Variants in PTPRD observed in about 807,000 individuals in gnomAD.
The protein encoded by PTPRD is receptor-type tyrosine-protein phosphatase delta.
In PTPRD, 34 loss-of-function variants were observed where a neutral mutation model predicts 214.5. That is an observed-to-expected ratio of 0.16 (90% CI 0.12 to 0.21). The LOEUF (loss-of-function observed/expected upper bound fraction) is 0.21, where lower values mean the gene tolerates loss of function less well. PTPRD is among the 10% of genes least tolerant of loss of function. The pLI is 1.00. For synonymous variants in PTPRD, 1,128 were observed against 845.7 expected, an observed-to-expected ratio of 1.33 and a Z score of -5.79; for missense variants, 2,545 against 2,398.7, an observed-to-expected ratio of 1.06 and a Z score of -1.27.
At chr9:10,159,318 G>A (rs1469626210) in intron 3 of PTPRD, among the ~76,000 whole-genome samples, 1 of 151,524 alleles carries the variant, frequency 6.6e-6, no homozygotes, top group African/African-American at 2.4e-5. Flanking sequence ...ATATAGTCAG[G>A]AAAATATTGC....
intron 3 of PTPRD, among the ~76,000 whole-genome samples, chr9:10,085,638 G>A (rs1231134962): frequency 1.3e-5 from 2 of 151,596 alleles, no homozygotes; most frequent in Admixed American, 6.6e-5. Flanking sequence ...AAGAATACTG[G>A]CGCCTGCCTG....
At chr9:9,293,972 A>T (rs905115520) in intron 9 of PTPRD, among the ~76,000 whole-genome samples, 1 of 151,492 alleles carries the variant, frequency 6.6e-6, no homozygotes, top group East Asian at 2.0e-4. Context: ...CAGCATCAGT[A>T]CTCTTGCACT....
chr9:10,416,231 G>T (rs1304528722), intron 2 of PTPRD, among the ~76,000 whole-genome samples: 1 of 151,644 alleles, frequency 6.6e-6, no homozygotes, highest in Non-Finnish European at 1.5e-5. Flanking sequence ...GGTGGCATGT[G>T]CCTGTAGTCC....
intron 8 of PTPRD, among the ~76,000 whole-genome samples, chr9:9,526,748 A>C (rs925835301): frequency 5.3e-5 from 8 of 152,160 alleles, no homozygotes; most frequent in African/African-American, 1.9e-4. Flanking sequence ...ATCTTTGTGG[A>C]ATTTCCAAAT....
In PTPRD at chr9:8,891,351, C is replaced by T. The variant is rs569825485; in HGVS notation, c.-104+127346G>A. On this transcript the variant is annotated intron_variant, in intron 11 of 45. Coordinates refer to ENST00000381196, the MANE Select transcript of PTPRD (RefSeq NM_002839.4). ...GTTTCACCGTGTTAGCCAGGATGGTCTCAATCTCCTGACCTCGTGATCCGC... is the reference window on the plus strand; with the variant it reads ...GTTTCACCGTGTTAGCCAGGATGGTTTCAATCTCCTGACCTCGTGATCCGC... Among the ~76,000 whole-genome samples the T allele has an allele frequency of 2.9e-4, 44 of 151,918 alleles. No homozygotes were observed. The South Asian group carries it at 8.5e-3, about 29-fold the overall frequency.
intron 2 of PTPRD, among the ~76,000 whole-genome samples, chr9:10,435,141 A>G (rs779348602): frequency 2.6e-5 from 4 of 151,900 alleles, no homozygotes; most frequent in Non-Finnish European, 4.4e-5. Flanking sequence ...GAGGAAGCCA[A>G]TGCAAGTTGG....
chr9:8,767,649 C>G (rs992393090), intron 11 of PTPRD, among the ~76,000 whole-genome samples: 2 of 152,140 alleles, frequency 1.3e-5, no homozygotes, highest in South Asian at 2.1e-4. Flanking sequence ...TGTTAGGAAT[C>G]TCAAACTTGA....
chr9:9,907,818 T>C (rs952017862), intron 5 of PTPRD, among the ~76,000 whole-genome samples: 1 of 152,036 alleles, frequency 6.6e-6, no homozygotes, highest in Non-Finnish European at 1.5e-5. Flanking sequence ...ATTCTTGTAA[T>C]GAAAATAGTG....
chr9:9,915,857 C>A (rs1477669807), intron 5 of PTPRD, among the ~76,000 whole-genome samples: 1 of 151,772 alleles, frequency 6.6e-6, no homozygotes, highest in Non-Finnish European at 1.5e-5. Context: ...ACATCCAGAT[C>A]CAGGAAGGTC....
At chr9:9,075,880 T>C (rs927798505) in intron 10 of PTPRD, among the ~76,000 whole-genome samples, 8 of 152,208 alleles carry the variant, frequency 5.3e-5, no homozygotes, top group Admixed American at 5.2e-4. Flanking sequence ...TACGTGTGCA[T>C]GTGTCTTTAT....
intron 34 of PTPRD, among the ~76,000 whole-genome samples, chr9:8,442,320 T>A (rs962445193): frequency 4.6e-5 from 7 of 151,880 alleles, no homozygotes; most frequent in Non-Finnish European, 8.8e-5. Flanking sequence ...TAGAAAAATA[T>A]TTATCAAACA....
intron 9 of PTPRD, among the ~76,000 whole-genome samples, chr9:9,242,664 G>T (rs1346052830): frequency 1.3e-5 from 2 of 152,140 alleles, no homozygotes; most frequent in Non-Finnish European, 2.9e-5. Flanking sequence ...TCGTCACGTA[G>T]TTCTTGTGCC....
At chr9:9,111,080 A>C (rs1367703391) in intron 10 of PTPRD, among the ~76,000 whole-genome samples, 2 of 152,060 alleles carry the variant, frequency 1.3e-5, no homozygotes, top group African/African-American at 4.8e-5. Flanking sequence ...GAAGATCAGA[A>C]GTTAAAGTGA....
rs191863199 is a variant in PTPRD, at chr9:10,525,183, A to G, written c.-600+87215T>C. On this transcript the variant is annotated intron_variant, in intron 2 of 45. Transcript: ENST00000381196. The stretch of plus-strand genomic sequence containing the variant: ...AATTTCCCAGGATTCTAGTTATCAG[A>G]TTTGTCAAGCCATATAAAATATGAA... Among the ~76,000 whole-genome samples, 3 of 152,184 alleles carry G rather than the reference A, an allele frequency of 2.0e-5. No homozygotes were observed. In the East Asian group the frequency reaches 5.8e-4, roughly 29 times the overall value.
At chr9:9,527,816 T>A (rs2074485824) in intron 8 of PTPRD, among the ~76,000 whole-genome samples, 1 of 152,218 alleles carries the variant, frequency 6.6e-6, no homozygotes, top group South Asian at 2.1e-4. Flanking sequence ...CCTTTTAGAC[T>A]TGTTGCTAGA....
intron 36 of PTPRD, among the ~76,000 whole-genome samples, chr9:8,398,465 T>C (rs767367026): frequency 6.6e-6 from 1 of 152,156 alleles, no homozygotes; most frequent in Non-Finnish European, 1.5e-5. Flanking sequence ...TATTTATGTT[T>C]TGGAACTTTA....
chr9:9,781,548 T>C (rs141916868), intron 5 of PTPRD, among the ~76,000 whole-genome samples: 1,548 of 152,250 alleles, frequency 0.01, 26 homozygotes, highest in African/African-American at 0.035. Context: ...GTGTGGCTAT[T>C]TGAAGACATG....
At chr9:10,308,594 A>G (rs1349108404) in intron 3 of PTPRD, among the ~76,000 whole-genome samples, 1 of 152,050 alleles carries the variant, frequency 6.6e-6, no homozygotes, top group Admixed American at 6.6e-5. Flanking sequence ...TATTTCTGTG[A>G]ATAATACCAT....
intron 9 of PTPRD, among the ~76,000 whole-genome samples, chr9:9,207,926 T>C (rs1284024110): frequency 6.6e-6 from 1 of 151,508 alleles, no homozygotes; most frequent in Non-Finnish European, 1.5e-5. Flanking sequence ...CTTCGTAGTA[T>C]ATCTTTTAGT....
Sources: gnomAD v4.1 joint callset for allele counts (sites outside exome capture counted in the v4.1 genomes callset) on GRCh38, gnomAD v4.1.1 for gene constraint, MANE v1.5 for transcripts, NCBI Gene and HGNC (gene_info 2026-07-23, HGNC 2026-07-21) for gene names.